The following ATF7IP variants were observed in gnomAD, a reference collection of about 807,000 sequenced individuals.
ATF7IP encodes activating transcription factor 7 interacting protein.
In ATF7IP, 23 loss-of-function variants were observed where a neutral mutation model predicts 106.4. The observed-to-expected ratio is 0.22, with a 90% CI of 0.16 to 0.31. The LOEUF is 0.31. Among genes scored for constraint, ATF7IP ranks in the 10% least tolerant of loss-of-function variants. The probability of loss-of-function intolerance (pLI) is 1.00; values close to 1 mark genes in which losing one functional copy is unlikely to be tolerated. For synonymous variants in ATF7IP, 542 were observed against 539.0 expected, an observed-to-expected ratio of 1.01 and a Z score of -0.08; for missense variants, 1,334 against 1,524.3, an observed-to-expected ratio of 0.88 and a Z score of 2.08.
At chr12:14,403,429 T>C (rs1940369677) in intron 1 of ATF7IP, among the ~76,000 whole-genome samples, 2 of 152,180 alleles carry the variant, frequency 1.3e-5, no homozygotes, top group African/African-American at 4.8e-5. Context: ...CTGGCCTTAA[T>C]GATCTAACAT....
chr12:14,452,143 A>G (rs1170430850), intron 6 of ATF7IP, among the ~76,000 whole-genome samples: 1 of 152,174 alleles, frequency 6.6e-6, no homozygotes, highest in East Asian at 1.9e-4. Context: ...CTATTTTGTC[A>G]TACATAAGTA....
At chr12:14,436,073 C>G (rs910966650) in intron 3 of ATF7IP, 33 bp from the exon 4 acceptor site, 1 of 1,605,424 alleles carries the variant, frequency 6.2e-7, no homozygotes, top group South Asian at 1.1e-5. Context: ...AAGAAAAACA[C>G]CTGAGTGTGA....
intron 1 of ATF7IP, among the ~76,000 whole-genome samples, chr12:14,421,353 T>A (rs1418376146): frequency 2.0e-5 from 3 of 152,246 alleles, no homozygotes; most frequent in Non-Finnish European, 1.5e-5. Flanking sequence ...TTTTCTTTTT[T>A]GCTTAACAGA....
At chr12:14,475,365 T>C (rs1280622920) in intron 10 of ATF7IP, among the ~76,000 whole-genome samples, 4 of 152,234 alleles carry the variant, frequency 2.6e-5, no homozygotes, top group African/African-American at 9.6e-5. Flanking sequence ...GTTTTTCTTA[T>C]AATCCTAATA....
At chr12:14,467,161 T>C (rs927740453) in intron 10 of ATF7IP, among the ~76,000 whole-genome samples, 21 of 152,284 alleles carry the variant, frequency 1.4e-4, no homozygotes, top group Non-Finnish European at 2.8e-4. Context: ...CCTTGTTCTT[T>C]ATGGCTTTAG....
chr12:14,460,774 A>G lies in ATF7IP; in HGVS notation c.2438A>G (p.Asn813Ser), dbSNP rs2136722939. The G allele has an allele frequency of 2.5e-6, 4 of 1,614,192 alleles. 1 individual carries two copies. Among genetic ancestry groups the G allele is most frequent in the East Asian group, 4.5e-5 (2 of 44,882 alleles). The change falls in exon 9 of 15, where the codon AAT becomes AGT. Residue 813 changes from asparagine (N) to serine (S), a missense_variant. Physicochemically the swap from Asn to Ser is conservative, Grantham distance 46 (BLOSUM62 1). Coordinates refer to ENST00000261168, the MANE Select transcript of ATF7IP (RefSeq NM_018179.5). ...TTGGTGACTAATCAACCATCTGGCAATGTTGAATTCATTTCTGTGCAAAGC... is the reference window on the plus strand; with the variant it reads ...TTGGTGACTAATCAACCATCTGGCAGTGTTGAATTCATTTCTGTGCAAAGC... ...GTLVTNQPSG[N>S]VEFISVQSPP...
intron 1 of ATF7IP, among the ~76,000 whole-genome samples, chr12:14,413,808 A>G (rs1033655282): frequency 6.6e-6 from 1 of 152,172 alleles, no homozygotes; most frequent in African/African-American, 2.4e-5. Context: ...GGCAGAATTT[A>G]TAAGGCATGG....
Position 14,436,179 on chromosome 12 carries a change from G to T in ATF7IP, c.1719G>T (p.Met573Ile). ...TACAGTCTAAACGTCGTCGATATAT[G>T]GAAGAAGAATATGAGGCAGAATTTC... ...DNVQSKRRRY[M>I]EEEYEAEFQV... Residue 573 changes from methionine to isoleucine, a missense_variant, in exon 4 of 15, where the codon ATG (methionine) becomes ATT (isoleucine). Transcript: ENST00000261168. The T allele has an allele frequency of 6.2e-7, 1 of 1,613,714 alleles. No individual in the cohort carries two copies. Among genetic ancestry groups the T allele is most frequent in the African/African-American group, 1.3e-5 (1 of 75,032 alleles).
At chr12:14,470,433 A>G (rs1943995160) in intron 10 of ATF7IP, among the ~76,000 whole-genome samples, 1 of 152,172 alleles carries the variant, frequency 6.6e-6, no homozygotes, top group African/African-American at 2.4e-5. Context: ...AAAAACATAA[A>G]CGTGTTTCTG....
chr12:14,407,035 T>C (rs184278527), intron 1 of ATF7IP, among the ~76,000 whole-genome samples: 4 of 152,370 alleles, frequency 2.6e-5, no homozygotes. Flanking sequence ...AATGGTTCTG[T>C]GTTCCTATAT....
chr12:14,486,328 C>T (rs1381995632), intron 13 of ATF7IP, among the ~76,000 whole-genome samples: 1 of 152,196 alleles, frequency 6.6e-6, no homozygotes. Context: ...AATGTCTGGT[C>T]ATTTCCCTTT....
intron 11 of ATF7IP, 29 bp from the exon 12 acceptor site, chr12:14,478,288 A>T (rs1314341672): frequency 6.3e-7 from 1 of 1,597,780 alleles, no homozygotes; most frequent in Admixed American, 1.7e-5. Context: ...TTTTCTTGTC[A>T]GTCATAATAT....
At chr12:14,464,769 A>G (rs1943765768) in intron 9 of ATF7IP, among the ~76,000 whole-genome samples, 1 of 152,250 alleles carries the variant, frequency 6.6e-6, no homozygotes, top group Admixed American at 6.5e-5. Context: ...ATATCATTAC[A>G]GTTTTGTGAA....
intron 9 of ATF7IP, among the ~76,000 whole-genome samples, chr12:14,462,549 G>A (rs910571645): frequency 2.0e-5 from 3 of 151,912 alleles, no homozygotes; most frequent in Non-Finnish European, 4.4e-5. Flanking sequence ...AAAAACCATG[G>A]CTTGAAATAT....
chr12:14,475,895 A>G lies in ATF7IP; in HGVS notation c.2868A>G (p.Gly956=), dbSNP rs2136789536. The G allele has an allele frequency of 6.2e-7, 1 of 1,609,384 alleles. No homozygotes were observed. Among genetic ancestry groups the G allele is most frequent in the East Asian group, 2.2e-5 (1 of 44,792 alleles). The change falls in exon 11 of 15, where the codon GGA becomes GGG. Residue 956 remains glycine, a synonymous_variant. Coordinates refer to ENST00000261168, the MANE Select transcript of ATF7IP (RefSeq NM_018179.5). ...KKAADSTSQC[G]KATGSDSSGV... ...GTAGAAGTTTTGTTTTTCAGTGTGG[A>G]AAAGCCACTGGCAGTGATTCAAGTG...
At chr12:14,436,312 A>G in intron 4 of ATF7IP, 61 bp downstream of exon 4, 2 of 1,452,904 alleles carry the variant, frequency 1.4e-6, no homozygotes, top group South Asian at 1.2e-5. Flanking sequence ...ATCTTCTTCT[A>G]GGTTTCTGAC....
intron 5 of ATF7IP, among the ~76,000 whole-genome samples, chr12:14,438,890 A>AT (rs978936369): frequency 7.9e-5 from 12 of 151,424 alleles, no homozygotes; most frequent in Admixed American, 2.6e-4. Flanking sequence ...AGTGCTTCAT[A>AT]TTTTTTTTTC....
chr12:14,458,248 A>G (rs761207401), intron 8 of ATF7IP, among the ~76,000 whole-genome samples: 104 of 152,202 alleles, frequency 6.8e-4, no homozygotes, highest in Non-Finnish European at 1.3e-3. Context: ...CATTTTTTAC[A>G]TATCTCTTTA....
intron 14 of ATF7IP, among the ~76,000 whole-genome samples, chr12:14,496,738 C>A (rs959480207): frequency 6.6e-6 from 1 of 152,148 alleles, no homozygotes; most frequent in Non-Finnish European, 1.5e-5. Flanking sequence ...TCTAAAGAAT[C>A]CAATGATATT....
Sources: allele counts gnomAD v4.1 joint callset (sites outside exome capture counted in the v4.1 genomes callset), GRCh38; gene constraint gnomAD v4.1.1; transcripts MANE v1.5; gene names NCBI Gene and HGNC (gene_info 2026-07-23, HGNC 2026-07-21).